Variants in LPIN1 observed in about 807,000 individuals in gnomAD.
LPIN1 encodes lipin 1, also known as phosphatidate phosphatase LPIN1.
In LPIN1, 71 loss-of-function variants were observed where a neutral mutation model predicts 107.5. The ratio of observed to expected loss-of-function variants is 0.66; its 90% CI spans 0.55 to 0.80. The LOEUF (loss-of-function observed/expected upper bound fraction) is 0.80, where lower values mean the gene tolerates loss of function less well. Ranked by LOEUF, LPIN1 falls within the 30% of genes least tolerant of loss-of-function variation. LPIN1 has a pLI of 0.00. For missense variants in LPIN1, 1,043 were observed against 1,160.6 expected, an observed-to-expected ratio of 0.90 and a Z score of 1.47; for synonymous variants, 445 against 452.6, an observed-to-expected ratio of 0.98 and a Z score of 0.21.
At chr2:11,810,777 C>A (rs188693981) in intron 17 of LPIN1, among the ~76,000 whole-genome samples, 5 of 152,322 alleles carry the variant, frequency 3.3e-5, no homozygotes, top group Admixed American at 2.0e-4. Context: ...CCAACAGACA[C>A]TCCTCCAATC....
chr2:11,753,579 G>A (rs1019117320), intron 1 of LPIN1, among the ~76,000 whole-genome samples: 5 of 152,222 alleles, frequency 3.3e-5, no homozygotes, highest in African/African-American at 9.7e-5. Flanking sequence ...ACAGCAGGGC[G>A]TGGGCTGCTG....
intron 1 of LPIN1, among the ~76,000 whole-genome samples, chr2:11,684,531 A>C (rs1661896813): frequency 6.6e-6 from 1 of 152,220 alleles, no homozygotes; most frequent in Non-Finnish European, 1.5e-5. Context: ...GGTGGTTGGC[A>C]TGGAGTATTG....
At chr2:11,798,887 AAATAG>A (rs1387600022) in intron 14 of LPIN1, among the ~76,000 whole-genome samples, 1 of 152,190 alleles carries the variant, frequency 6.6e-6, no homozygotes, top group Non-Finnish European at 1.5e-5. Flanking sequence ...CAAATAATTA[AAATAG>A]CGTTTGAAAA....
At position 11,825,332 on chromosome 2, in the gene LPIN1, C is replaced by T. The variant is rs781193131; in HGVS notation, c.*541C>T. 101 of 159,640 alleles carry T rather than the reference C, an allele frequency of 6.3e-4. No individual in the cohort carries two copies. Among genetic ancestry groups the T allele is most frequent in the African/African-American group, 1.5e-3 (62 of 41,512 alleles). The allele number at this position is 159,640 out of a possible 1,614,324, so 9.9% of individuals were successfully genotyped here. A position where few individuals can be genotyped will look rare whatever the true frequency, so the allele number is the denominator to read the frequency against. On this transcript the variant is annotated 3_prime_UTR_variant, in exon 21 of 21. Coordinates refer to ENST00000674199, the MANE Select transcript of LPIN1 (RefSeq NM_001349206.2). The surrounding 1 kb of genome is among the most constrained non-coding windows in gnomAD (Gnocchi z 4.1). Reference sequence around the variant, plus strand: ...TCTCTGATAGAAATCTGGACGCCACCGGGTCCAGGCCTGGCCTCAGACTTG... The same window carrying T: ...TCTCTGATAGAAATCTGGACGCCACTGGGTCCAGGCCTGGCCTCAGACTTG...
intron 3 of LPIN1, 51 bp downstream of exon 3, chr2:11,767,909 A>G (rs2148625737): frequency 8.7e-7 from 1 of 1,144,514 alleles, no homozygotes; most frequent in Non-Finnish European, 1.3e-6. Context: ...AGCTTTGAGT[A>G]ATGGTTATCT....
rs935574070 is a variant in LPIN1, at chr2:11,786,358, C to T, written c.1550-716C>T. Among the ~76,000 whole-genome samples the T allele has an allele frequency of 6.6e-6, 1 of 152,090 alleles. No homozygotes were observed. Among genetic ancestry groups the T allele is most frequent in the Admixed American group, 6.5e-5 (1 of 15,274 alleles). ...TAGGAGCTCCCAGGGAAGGAGTGGG[C>T]GTGGCTCTGGGCCAGGGAGATGGTC... On this transcript the variant is annotated intron_variant, in intron 10 of 20. Transcript: ENST00000674199. The surrounding 1 kb of genome is among the most constrained non-coding windows in gnomAD (Gnocchi z 4.1).
chr2:11,812,221 A>G (rs1679788191), intron 17 of LPIN1, among the ~76,000 whole-genome samples: 3 of 152,244 alleles, frequency 2.0e-5, no homozygotes. Context: ...TTCAGCAAAT[A>G]TTCACTAAAT....
At chr2:11,726,828 C>A (rs1028990524) in intron 1 of LPIN1, among the ~76,000 whole-genome samples, 2 of 152,210 alleles carry the variant, frequency 1.3e-5, no homozygotes, top group African/African-American at 4.8e-5. Flanking sequence ...TGACAGTTCC[C>A]TATTCTCTCC....
At chr2:11,746,606 T>C (rs545733054), upstream of LPIN1, 3 of 984,854 alleles carry the variant, frequency 3.0e-6, no homozygotes, top group Non-Finnish European at 3.6e-6. Flanking sequence ...GAAGGCGAGC[T>C]GCGCTGACAG....
chr2:11,793,391 T>G (rs1418794901), intron 13 of LPIN1, among the ~76,000 whole-genome samples: 1 of 152,246 alleles, frequency 6.6e-6, no homozygotes. Context: ...TTCTTCATTC[T>G]CTGTACTGCA....
At chr2:11,760,258 C>G (rs1272777793) in intron 1 of LPIN1, among the ~76,000 whole-genome samples, 1 of 152,236 alleles carries the variant, frequency 6.6e-6, no homozygotes, top group Non-Finnish European at 1.5e-5. Context: ...GGCAGAGATG[C>G]TCCTCACTTC....
intron 2 of LPIN1, among the ~76,000 whole-genome samples, chr2:11,766,488 C>T (rs1670913273): frequency 6.6e-6 from 1 of 152,138 alleles, no homozygotes; most frequent in Non-Finnish European, 1.5e-5. Context: ...GCAAAGAGAC[C>T]AGGGATTTGT....
intron 1 of LPIN1, among the ~76,000 whole-genome samples, chr2:11,726,921 G>A (rs1349422672): frequency 1.3e-5 from 2 of 152,120 alleles, no homozygotes; most frequent in East Asian, 1.9e-4. Flanking sequence ...TTTGTATAAT[G>A]TTTTCACGAT....
At chr2:11,735,196 G>A (rs993312754) in intron 1 of LPIN1, among the ~76,000 whole-genome samples, 1 of 151,898 alleles carries the variant, frequency 6.6e-6, no homozygotes, top group Non-Finnish European at 1.5e-5. Context: ...GGAGGCTGAG[G>A]CAGGAGAATT....
chr2:11,688,062 G>A (rs893130814), intron 1 of LPIN1, among the ~76,000 whole-genome samples: 21 of 152,368 alleles, frequency 1.4e-4, no homozygotes, highest in African/African-American at 4.6e-4. Context: ...GGGACTCTGA[G>A]TGTCAGTGGT....
chr2:11,789,383 A>C (rs1175768527), intron 12 of LPIN1, among the ~76,000 whole-genome samples: 2 of 151,534 alleles, frequency 1.3e-5, no homozygotes, highest in Non-Finnish European at 2.9e-5. Context: ...ATGTGTGTGC[A>C]TGCGGGTATG....
At chr2:11,761,044 T>C (rs1246976097) in intron 1 of LPIN1, among the ~76,000 whole-genome samples, 1 of 152,218 alleles carries the variant, frequency 6.6e-6, no homozygotes, top group African/African-American at 2.4e-5. Context: ...CATTGCACTT[T>C]GGCTGTCTTC....
At position 11,791,805 on chromosome 2, in the gene LPIN1, A is replaced by AT. The variant is rs78343196; in HGVS notation, c.1714-100dup. 0.13 allele frequency: 192,565 copies of AT among 1,508,156 alleles called. 11,550 individuals are homozygous for AT. Among genetic ancestry groups the AT allele is most frequent in the Middle Eastern group, 0.18 (1,007 of 5,746 alleles). The allele number at this position is 1,508,156 out of a possible 1,614,324, so 93.4% of individuals were successfully genotyped here. ...CAAATAGTATGTTGTGTTTTCTCTGATTTTTTTTTAAATCTTACTTTAATT... is the reference window on the plus strand; with the variant it reads ...CAAATAGTATGTTGTGTTTTCTCTGATTTTTTTTTTAAATCTTACTTTAATT... On this transcript the variant is annotated intron_variant, in intron 12 of 20. Transcript: ENST00000674199.
chr2:11,690,404 C>A (rs1231735724), intron 1 of LPIN1, among the ~76,000 whole-genome samples: 5 of 152,144 alleles, frequency 3.3e-5, no homozygotes, highest in Non-Finnish European at 2.9e-5. Flanking sequence ...TATCCTTTGC[C>A]ATGTGTGCTC....
Sources: allele counts gnomAD v4.1 joint callset (sites outside exome capture counted in the v4.1 genomes callset), GRCh38; gene constraint gnomAD v4.1.1; non-coding constraint Gnocchi (gnomAD v3.1); transcripts MANE v1.5; gene names NCBI Gene and HGNC (gene_info 2026-07-23, HGNC 2026-07-21).